ADAMTS7: variants seen among roughly 807,000 people sequenced by gnomAD.
ADAMTS7 encodes ADAM metallopeptidase with thrombospondin type 1 motif 7.
Under a neutral mutation model 172.6 loss-of-function variants are expected in ADAMTS7, and 89 were observed. The observed-to-expected ratio is 0.52, with a 90% confidence interval of 0.43 to 0.61. The LOEUF is 0.61. Ranked by LOEUF, ADAMTS7 falls within the 20% of genes least tolerant of loss-of-function variation. The pLI is 0.00. For synonymous variants in ADAMTS7, 885 were observed against 978.4 expected, an observed-to-expected ratio of 0.90 and a Z score of 1.78; for missense variants, 1,973 against 2,355.6, an observed-to-expected ratio of 0.84 and a Z score of 3.36.
chr15:78,795,240 G>A (rs989321687), intron 4 of ADAMTS7, among the ~76,000 whole-genome samples: 1 of 152,238 alleles, frequency 6.6e-6, no homozygotes, highest in Non-Finnish European at 1.5e-5. Context: ...CTGCTGTCCA[G>A]CAATAGCCCT....
intron 23 of ADAMTS7, among the ~76,000 whole-genome samples, chr15:78,761,585 G>A (rs2055043521): frequency 6.6e-6 from 1 of 152,192 alleles, no homozygotes; most frequent in Non-Finnish European, 1.5e-5. Flanking sequence ...CCTTTATTCA[G>A]CACATGAAGG....
In ADAMTS7 at chr15:78,800,456, G is replaced by A. The variant is rs545729024; in HGVS notation, c.192C>T (p.Pro64=). ...GGSFLSYELW[P]RALRKRDVSV... ...ATACATCCCGCTTGCGCAGTGCGCGGGGCCACAGCTCGTAGGACAGGAAGG... is the reference window on the plus strand; with the variant it reads ...ATACATCCCGCTTGCGCAGTGCGCGAGGCCACAGCTCGTAGGACAGGAAGG... Residue 64 remains proline (P), a synonymous_variant, in exon 2 of 24, where the codon CCC becomes CCT. Coordinates refer to ENST00000388820, the MANE Select transcript of ADAMTS7 (RefSeq NM_014272.5). The A allele has an allele frequency of 4.2e-5, 68 of 1,611,082 alleles. No homozygotes were observed. In the African/African-American group the frequency reaches 6.5e-4, roughly 15 times the overall value.
rs371966082 is a variant in ADAMTS7, at chr15:78,777,703, T to C, written c.1323-115A>G. ...GAGGGGGCACAGAGCCCTACAACTG[T>C]AGGAAACTCCAGCCTCCCCGCTCGG... On this transcript the variant is annotated intron_variant, in intron 8 of 23. Coordinates refer to ENST00000388820, the MANE Select transcript of ADAMTS7 (RefSeq NM_014272.5). 7.6e-4 allele frequency: 1,010 copies of C among 1,333,920 alleles called. 4 individuals carry two copies. In the African/African-American group the frequency reaches 0.013, roughly 17 times the overall value. The allele number at this position is 1,333,920 out of a possible 1,614,324, so 82.6% of individuals were successfully genotyped here. A position where few individuals can be genotyped will look rare whatever the true frequency, so the allele number is the denominator to read the frequency against.
intron 19 of ADAMTS7, chr15:78,765,180 C>T (rs2055119003): frequency 4.5e-6 from 1 of 222,320 alleles, no homozygotes; most frequent in Admixed American, 5.1e-5. Flanking sequence ...CTGCAGTGAC[C>T]ATCTGGGGAC....
chr15:78,775,458 C>T (rs773994354), intron 11 of ADAMTS7, among the ~76,000 whole-genome samples: 6 of 151,944 alleles, frequency 3.9e-5, no homozygotes, highest in Admixed American at 6.6e-5. Context: ...ATGCCTGCCC[C>T]GGGTGGCCTC....
At chr15:78,789,964 T>C in intron 6 of ADAMTS7, 126 bp from the exon 7 acceptor site, 1 of 1,354,302 alleles carries the variant, frequency 7.4e-7, no homozygotes, top group Non-Finnish European at 1.0e-6. Flanking sequence ...CACCGTTCTG[T>C]GACATGAGGC....
At chr15:78,785,537 AG>A (rs2055489572) in intron 8 of ADAMTS7, among the ~76,000 whole-genome samples, 2 of 132,928 alleles carry the variant, frequency 1.5e-5, no homozygotes, top group Admixed American at 1.6e-4. Flanking sequence ...CAGCAGAGTG[AG>A]AGTCTCTCAA....
chr15:78,799,033 T>C (rs1158033854), intron 2 of ADAMTS7, among the ~76,000 whole-genome samples: 1 of 144,160 alleles, frequency 6.9e-6, no homozygotes, highest in Non-Finnish European at 1.5e-5. Context: ...GAAATGGGAA[T>C]GATGCCCCAT....
At chr15:78,761,807 A>G in intron 23 of ADAMTS7, 1 of 983,420 alleles carries the variant, frequency 1.0e-6, no homozygotes, top group Non-Finnish European at 1.2e-6. Flanking sequence ...GTCCAGAACC[A>G]CCTCTACCTC....
At position 78,800,298 on chromosome 15, in the gene ADAMTS7, C is replaced by T. The variant is rs775146727; in HGVS notation, c.350G>A (p.Gly117Asp). The T allele has an allele frequency of 1.9e-6, 3 of 1,589,956 alleles. No individual in the cohort carries two copies. In the Admixed American group the frequency reaches 5.2e-5, roughly 28 times the overall value. ...VSETRRRGGL[G>D]RAHIRAHTPA... The stretch of plus-strand genomic sequence containing the variant: ...GGTGTGGGCCCGGATGTGCGCGCGG[C>T]CCAGGCCGCCGCGCCGCCGCGTCTC... The change falls in exon 2 of 24, where the codon GGC (glycine) becomes GAC (aspartate). Residue 117 changes from glycine (G) to aspartate (D), a missense_variant. By Grantham distance (94) the Gly-to-Asp change is moderately conservative. Coordinates refer to ENST00000388820, the MANE Select transcript of ADAMTS7 (RefSeq NM_014272.5).
Position 78,796,756 on chromosome 15 carries a change from C to A in ADAMTS7, c.653G>T (p.Arg218Leu). 1.2e-6 allele frequency: 2 copies of A among 1,611,878 alleles called. No individual in the cohort carries two copies. The highest frequency in any genetic ancestry group is 2.2e-5 in the East Asian group (1 of 44,882). The change falls in exon 4 of 24, where the codon CGT becomes CTT. Residue 218 changes from arginine to leucine, a missense_variant. Arg to Leu is a moderately radical substitution (Grantham distance 102). Coordinates refer to ENST00000388820, the MANE Select transcript of ADAMTS7 (RefSeq NM_014272.5). ...CCGCCACTGCTGCCGCTGCTCCCAA[C>A]GCTCCCGTCGAGACTCCAGCTCTGG... Reference protein sequence around the residue: ...VYPELESRRERWEQRQQWRRP... With the variant: ...VYPELESRRELWEQRQQWRRP...
Position 78,776,757 on chromosome 15 carries a change from C to T in ADAMTS7, c.1552G>A (p.Glu518Lys), listed in dbSNP as rs2055352393. The change falls in exon 10 of 24, where the codon GAG (glutamate) becomes AAG (lysine). Residue 518 changes from glutamate (E) to lysine (K), a missense_variant. This residue lies in a region of ADAMTS7 where 526 missense variants were observed against 662.9 expected (regional missense o/e 0.79). Transcript: ENST00000388820. ...DAAVDGTRCG[E>K]NKWCLSGECV... ...CTGGGGACATCCCCTACCTTATTCT[C>T]CCCACACCGGGTGCCGTCCACAGCT... is the stretch of plus-strand genomic sequence containing the variant. 1 of 1,550,622 alleles carries T rather than the reference C, an allele frequency of 6.4e-7. No homozygotes were observed. The highest frequency in any genetic ancestry group is 1.2e-5 in the South Asian group (1 of 84,056).
Position 78,801,161 on chromosome 15 carries a change from G to A in ADAMTS7, c.101-614C>T, listed in dbSNP as rs557372186. Reference sequence around the variant, plus strand: ...CCAGAAAGATTCATTCAAAACCAGCGCGATCATCGTCTTACTCTGCTCATC... The same window carrying A: ...CCAGAAAGATTCATTCAAAACCAGCACGATCATCGTCTTACTCTGCTCATC... On this transcript the variant is annotated intron_variant, in intron 1 of 23. Transcript: ENST00000388820. Among the ~76,000 whole-genome samples, 3 of 151,984 alleles carry A rather than the reference G, an allele frequency of 2.0e-5. No homozygotes were observed. The South Asian group carries it at 6.2e-4, about 31-fold the overall frequency.
chr15:78,780,000 C>T (rs2055407370), intron 8 of ADAMTS7, among the ~76,000 whole-genome samples: 1 of 147,088 alleles, frequency 6.8e-6, no homozygotes, highest in African/African-American at 2.5e-5. Flanking sequence ...GAGTCAGAAA[C>T]CCAAGTTCTA....
intron 1 of ADAMTS7, among the ~76,000 whole-genome samples, chr15:78,807,403 T>C (rs1447045909): frequency 6.6e-6 from 1 of 152,208 alleles, no homozygotes; most frequent in African/African-American, 2.4e-5. Flanking sequence ...TGGGCAAATA[T>C]TGCAAGACAG....
chr15:78,764,835 C>T (rs2055114519), intron 19 of ADAMTS7, 128 bp from the exon 20 acceptor site: 2 of 1,081,494 alleles, frequency 1.8e-6, no homozygotes, highest in Middle Eastern at 3.1e-4. Flanking sequence ...CCTCAGTTTC[C>T]TTATTTGCAA....
intron 23 of ADAMTS7, among the ~76,000 whole-genome samples, chr15:78,760,762 C>A (rs1018339465): frequency 1.3e-5 from 2 of 152,204 alleles, no homozygotes; most frequent in Non-Finnish European, 2.9e-5. Context: ...TCCCAGCCCC[C>A]CTCCACTGTT....
chr15:78,809,576 T>C (rs1016093981), intron 1 of ADAMTS7, among the ~76,000 whole-genome samples: 1 of 152,218 alleles, frequency 6.6e-6, no homozygotes, highest in Admixed American at 6.5e-5. Context: ...CACTGTGTCC[T>C]GCCTGAGCAA....
chr15:78,810,955 C>T, intron 1 of ADAMTS7, 166 bp downstream of exon 1: 2 of 770,990 alleles, frequency 2.6e-6, no homozygotes, highest in Non-Finnish European at 3.5e-6. Flanking sequence ...CGGCCCGGCC[C>T]GACCCCGACT....
Sources: gnomAD v4.1 joint callset for allele counts (sites outside exome capture counted in the v4.1 genomes callset) on GRCh38, gnomAD v4.1.1 for gene constraint, gnomAD v4.1.1 regional missense constraint, MANE v1.5 for transcripts, NCBI Gene and HGNC (gene_info 2026-07-23, HGNC 2026-07-21) for gene names.